The following ZZZ3 variants were observed in gnomAD, a reference collection of about 807,000 sequenced individuals.
The protein encoded by ZZZ3 is zinc finger ZZ-type containing 3, also known as ZZ-type zinc finger-containing protein 3.
A neutral mutation model predicts 95.2 loss-of-function variants in ZZZ3; 22 were observed. That is an observed-to-expected ratio of 0.23 (90% CI 0.17 to 0.33). The LOEUF is 0.33. ZZZ3 is among the 10% of genes least tolerant of loss of function. The pLI, the probability that ZZZ3 is intolerant of heterozygous loss-of-function variation, is 1.00. For missense variants in ZZZ3, 885 were observed against 1,066.5 expected, an observed-to-expected ratio of 0.83 and a Z score of 2.37; for synonymous variants, 335 against 358.9, an observed-to-expected ratio of 0.93 and a Z score of 0.75.
intron 5 of ZZZ3, among the ~76,000 whole-genome samples, chr1:77,598,656 T>C (rs1340964714): frequency 6.6e-6 from 1 of 152,216 alleles, no homozygotes; most frequent in Admixed American, 6.5e-5. Flanking sequence ...TATTGCCATT[T>C]ATTTCTGGTT....
Position 77,568,466 on chromosome 1 carries a change from CCTAT to C in ZZZ3, c.2332-4_2332-1del. 2.2e-6 allele frequency: 2 copies of C among 926,424 alleles called. No homozygotes were observed. The highest frequency in any genetic ancestry group is 2.9e-6 in the Non-Finnish European group (2 of 688,812). 57.4% of individuals were successfully genotyped at this position (926,424 alleles called of 1,614,324 possible). On this transcript the variant is annotated splice_acceptor_variant and splice_polypyrimidine_tract_variant and intron_variant, in intron 12 of 14. Coordinates refer to ENST00000370801, the MANE Select transcript of ZZZ3 (RefSeq NM_015534.6). LOFTEE classifies it high-confidence loss of function. ...TACATGATAGGAATACTTTCGTCAT[CCTAT>C]CAAAAAAAAAAAAAAAAAAAAATGT... is the stretch of plus-strand genomic sequence containing the variant.
intron 5 of ZZZ3, among the ~76,000 whole-genome samples, chr1:77,607,647 C>T (rs1000683007): frequency 2.6e-5 from 4 of 152,064 alleles, no homozygotes; most frequent in South Asian, 2.1e-4. Context: ...GAGAGGAGGC[C>T]GGGCACAGTG....
At chr1:77,677,682 G>A (rs1366198452) in intron 1 of ZZZ3, among the ~76,000 whole-genome samples, 2 of 152,158 alleles carry the variant, frequency 1.3e-5, no homozygotes, top group Non-Finnish European at 2.9e-5. Context: ...TCTTCACATA[G>A]GGGAATAACA....
intron 13 of ZZZ3, among the ~76,000 whole-genome samples, chr1:77,566,556 A>G (rs1206994021): frequency 2.0e-5 from 3 of 152,226 alleles, no homozygotes; most frequent in Non-Finnish European, 4.4e-5. Context: ...ACAGAGAGTT[A>G]ATACCATAGT....
At chr1:77,635,778 T>A (rs181167670) in intron 4 of ZZZ3, among the ~76,000 whole-genome samples, 3 of 152,054 alleles carry the variant, frequency 2.0e-5, no homozygotes, top group Non-Finnish European at 4.4e-5. Flanking sequence ...TGGTGGCACA[T>A]GCCTGTAATC....
intron 1 of ZZZ3, among the ~76,000 whole-genome samples, chr1:77,644,281 G>T (rs747661856): frequency 2.0e-5 from 3 of 152,028 alleles, no homozygotes; most frequent in Non-Finnish European, 4.4e-5. Flanking sequence ...GGCCAGGCTG[G>T]TCTCAAATCC....
intron 5 of ZZZ3, among the ~76,000 whole-genome samples, chr1:77,594,921 C>CAAAAAAAAAAA (rs371690201): frequency 1.2e-5 from 1 of 80,702 alleles, no homozygotes; most frequent in African/African-American, 4.6e-5. Flanking sequence ...TTGACAGGCC[C>CAAAAAAAAAAA]AAAAAAAAAA....
chr1:77,567,760 A>T (rs1274314745), intron 13 of ZZZ3, among the ~76,000 whole-genome samples: 1 of 152,226 alleles, frequency 6.6e-6, no homozygotes, highest in South Asian at 2.1e-4. Flanking sequence ...ATTCTGCAGA[A>T]TGAGTATATG....
At chr1:77,670,800 G>C (rs1671712151) in intron 1 of ZZZ3, among the ~76,000 whole-genome samples, 1 of 151,370 alleles carries the variant, frequency 6.6e-6, no homozygotes, top group Admixed American at 6.6e-5. Flanking sequence ...GGAAGGCTAT[G>C]AAGGAAGGGC....
chr1:77,581,176 T>A (rs1662481818), intron 8 of ZZZ3, 107 bp from the exon 9 acceptor site: 2 of 875,424 alleles, frequency 2.3e-6, no homozygotes, highest in African/African-American at 3.4e-5. Flanking sequence ...TTTCAAAATA[T>A]TTGAGTAAAT....
intron 13 of ZZZ3, among the ~76,000 whole-genome samples, chr1:77,567,539 T>C (rs1660942934): frequency 6.6e-6 from 1 of 152,214 alleles, no homozygotes; most frequent in Non-Finnish European, 1.5e-5. Context: ...CTCAGGATAG[T>C]GTGAGCTCCT....
intron 1 of ZZZ3, among the ~76,000 whole-genome samples, chr1:77,682,103 G>C (rs2101109660): frequency 6.6e-6 from 1 of 152,120 alleles, no homozygotes; most frequent in East Asian, 1.9e-4. Context: ...AGACATAATG[G>C]GCCCTCCAAA....
chr1:77,563,004 C>T lies in ZZZ3; in HGVS notation c.*2636G>A, dbSNP rs920535899. On this transcript the variant is annotated 3_prime_UTR_variant, in exon 15 of 15. Coordinates refer to ENST00000370801, the MANE Select transcript of ZZZ3 (RefSeq NM_015534.6). ...ATATGACAACAGGATAATAAATGAC[C>T]CTGCCTCATAGAGTTGTTAAGAATT... The T allele has an allele frequency of 6.6e-6, 1 of 152,130 alleles. No homozygotes were observed. The highest frequency in any genetic ancestry group is 6.5e-5 in the Admixed American group (1 of 15,268). The allele number at this position is 152,130 out of a possible 1,614,324, so 9.4% of individuals were successfully genotyped here.
At chr1:77,597,911 T>G (rs1664363870) in intron 5 of ZZZ3, among the ~76,000 whole-genome samples, 1 of 152,118 alleles carries the variant, frequency 6.6e-6, no homozygotes, top group Non-Finnish European at 1.5e-5. Context: ...TTGTAACAAA[T>G]GAACCATACC....
chr1:77,566,260 A>G, intron 13 of ZZZ3, 79 bp from the exon 14 acceptor site: 1 of 933,346 alleles, frequency 1.1e-6, no homozygotes, highest in South Asian at 1.6e-5. Flanking sequence ...GAAACACATG[A>G]TGTGCACACA....
intron 1 of ZZZ3, among the ~76,000 whole-genome samples, chr1:77,659,180 T>A (rs1164744411): frequency 6.6e-6 from 1 of 151,896 alleles, no homozygotes; most frequent in East Asian, 1.9e-4. Flanking sequence ...ATCATGCATA[T>A]ATATATAAAA....
At chr1:77,650,922 A>G in intron 1 of ZZZ3, among the ~76,000 whole-genome samples, 1 of 152,208 alleles carries the variant, frequency 6.6e-6, no homozygotes, top group East Asian at 1.9e-4. Flanking sequence ...AGATATTTTC[A>G]CAACAAGGGT....
chr1:77,659,600 T>C (rs1204393791), intron 1 of ZZZ3, among the ~76,000 whole-genome samples: 1 of 151,450 alleles, frequency 6.6e-6, no homozygotes, highest in African/African-American at 2.4e-5. Context: ...GGAGAATCAC[T>C]TGAATCCGGG....
rs778338357 is a variant in ZZZ3, at chr1:77,631,972, G to A, written c.1383C>T (p.Leu461=). Residue 461 remains leucine, a synonymous_variant, in exon 5 of 15, where the codon CTC becomes CTT. Coordinates refer to ENST00000370801, the MANE Select transcript of ZZZ3 (RefSeq NM_015534.6). The part of the protein sequence containing the change: ...GVSKPPSEAR[L]NIGHLPSAKE... ...TGGCAGATGGCAAATGTCCAATATT[G>A]AGTCTTGCCTCTGAGGGTGGTTTAC... 1.9e-6 allele frequency: 3 copies of A among 1,613,918 alleles called. No homozygotes were observed. Among genetic ancestry groups the A allele is most frequent in the Admixed American group, 3.3e-5 (2 of 59,986 alleles).
Sources: allele counts gnomAD v4.1 joint callset (sites outside exome capture counted in the v4.1 genomes callset), GRCh38; gene constraint gnomAD v4.1.1; transcripts MANE v1.5; gene names NCBI Gene and HGNC (gene_info 2026-07-23, HGNC 2026-07-21).